The following ENTREP2 variants were observed in gnomAD, a reference collection of about 807,000 sequenced individuals.
ENTREP2 encodes the protein endosomal transmembrane epsin interactor 2, also known as protein ENTREP2.
the ENTREP2 span, among the ~76,000 whole-genome samples, chr15:29,310,250 G>C: frequency 1.3e-5 from 2 of 152,220 alleles, no homozygotes; most frequent in African/African-American, 2.4e-5. Context: ...ATACCTTCAA[G>C]TCTGGGGTGA....
chr15:29,271,865 G>A, the ENTREP2 span, among the ~76,000 whole-genome samples: 1 of 152,140 alleles, frequency 6.6e-6, no homozygotes, highest in Admixed American at 6.5e-5. Flanking sequence ...TCCTGCTACA[G>A]TGCCTTGAGT....
chr15:29,551,985 G>A, the ENTREP2 span, among the ~76,000 whole-genome samples: 11 of 152,272 alleles, frequency 7.2e-5, no homozygotes, highest in African/African-American at 2.4e-4. Context: ...ACTCCCTGCT[G>A]GAAGAAAAGC....
At chr15:29,629,694 G>A in the ENTREP2 span, among the ~76,000 whole-genome samples, 2 of 152,168 alleles carry the variant, frequency 1.3e-5, no homozygotes, top group African/African-American at 4.8e-5. Flanking sequence ...TGCATAAGGA[G>A]AAGGATAGTC....
At chr15:29,213,380 G>C in the ENTREP2 span, among the ~76,000 whole-genome samples, 8 of 152,102 alleles carry the variant, frequency 5.3e-5, no homozygotes, top group East Asian at 1.5e-3. Context: ...ATTACCTTGG[G>C]CAGTATGGCC....
the ENTREP2 span, among the ~76,000 whole-genome samples, chr15:29,412,706 T>C: frequency 1.3e-5 from 2 of 152,130 alleles, no homozygotes; most frequent in Non-Finnish European, 2.9e-5. Flanking sequence ...ACCTTCTTTT[T>C]TGTTCTTACA....
chr15:29,135,864 C>T, the ENTREP2 span, among the ~76,000 whole-genome samples: 243 of 152,318 alleles, frequency 1.6e-3, 1 homozygote, highest in African/African-American at 5.5e-3. This position sits in a 1 kb window ranked among gnomAD's most constrained non-coding sequence, Gnocchi z 7.4. Context: ...CCCCAGAGGG[C>T]GGTGATGGCA....
At chr15:29,648,944 A>AC in the ENTREP2 span, among the ~76,000 whole-genome samples, 11,311 of 151,918 alleles carry the variant, frequency 0.074, 555 homozygotes, top group African/African-American at 0.14. Flanking sequence ...CTAAAAAAAA[A>AC]AAACAACAAC....
At chr15:29,162,493 C>T in the ENTREP2 span, among the ~76,000 whole-genome samples, 597 of 152,168 alleles carry the variant, frequency 3.9e-3, 3 homozygotes, top group Middle Eastern at 0.014. Context: ...TGAGACTGGA[C>T]TTTCAGTTTG....
chr15:29,131,244 G>C, the ENTREP2 span, among the ~76,000 whole-genome samples: 1 of 152,022 alleles, frequency 6.6e-6, no homozygotes, highest in Non-Finnish European at 1.5e-5. Context: ...GTGGCTCAAG[G>C]CAAACTTTGA....
the ENTREP2 span, among the ~76,000 whole-genome samples, chr15:29,229,465 A>T: frequency 3.3e-5 from 5 of 152,332 alleles, no homozygotes; most frequent in South Asian, 8.3e-4. Flanking sequence ...GGAAAGAGAC[A>T]TACCAATGTC....
the ENTREP2 span, among the ~76,000 whole-genome samples, chr15:29,155,300 A>G: frequency 1.3e-5 from 2 of 151,916 alleles, no homozygotes; most frequent in Admixed American, 1.3e-4. Flanking sequence ...AAAAAAAAAA[A>G]AAAGAAGAAG....
At chr15:29,413,305 A>C in the ENTREP2 span, among the ~76,000 whole-genome samples, 1 of 152,162 alleles carries the variant, frequency 6.6e-6, no homozygotes, top group Non-Finnish European at 1.5e-5. Context: ...CATAATTTTT[A>C]ATTTTCTGTC....
the ENTREP2 span, among the ~76,000 whole-genome samples, chr15:29,631,849 G>C: frequency 6.6e-6 from 1 of 152,202 alleles, no homozygotes; most frequent in Admixed American, 6.5e-5. Flanking sequence ...TGGTGGATGG[G>C]AGTGGGAGTC....
the ENTREP2 span, among the ~76,000 whole-genome samples, chr15:29,573,177 A>G: frequency 6.6e-6 from 1 of 152,192 alleles, no homozygotes; most frequent in South Asian, 2.1e-4. Context: ...GTACGGAAAG[A>G]GAGCTCCAAG....
At chr15:29,413,398 T>C in the ENTREP2 span, among the ~76,000 whole-genome samples, 1 of 152,238 alleles carries the variant, frequency 6.6e-6, no homozygotes, top group Non-Finnish European at 1.5e-5. Flanking sequence ...TATGTGTTTT[T>C]TCTTTATACG....
At chr15:29,398,599 C>T in the ENTREP2 span, among the ~76,000 whole-genome samples, 4 of 152,192 alleles carry the variant, frequency 2.6e-5, 1 homozygote, top group Admixed American at 2.6e-4. Context: ...TGGCACATGG[C>T]TATAGTCTCA....
the ENTREP2 span, among the ~76,000 whole-genome samples, chr15:29,460,556 C>A: frequency 6.6e-6 from 1 of 151,264 alleles, no homozygotes; most frequent in African/African-American, 2.4e-5. Flanking sequence ...CACTTGAGCC[C>A]GGAGGCGGAG....
the ENTREP2 span, among the ~76,000 whole-genome samples, chr15:29,220,603 G>T: frequency 6.6e-6 from 1 of 152,104 alleles, no homozygotes; most frequent in Non-Finnish European, 1.5e-5. Context: ...TGCTCCACAG[G>T]AACGGTGGGA....
chr15:29,326,417 T>G, the ENTREP2 span, among the ~76,000 whole-genome samples: 16,609 of 152,064 alleles, frequency 0.11, 2,951 homozygotes, highest in African/African-American at 0.38. Context: ...TGCTTTCCCA[T>G]ATTCCAGCAA....
Sources: allele counts gnomAD v4.1 joint callset (sites outside exome capture counted in the v4.1 genomes callset), GRCh38; gene constraint gnomAD v4.1.1; non-coding constraint Gnocchi (gnomAD v3.1); transcripts MANE v1.5; gene names NCBI Gene and HGNC (gene_info 2026-07-23, HGNC 2026-07-21).